NSUN6: variants seen among roughly 807,000 people sequenced by gnomAD.
The protein encoded by NSUN6 is tRNA (cytosine(72)-C(5))-methyltransferase NSUN6.
In NSUN6, 64 loss-of-function variants were observed where a neutral mutation model predicts 58.0. The ratio of observed to expected loss-of-function variants is 1.10; its 90% confidence interval spans 0.90 to 1.36. NSUN6 has a LOEUF of 1.36. Among genes scored for constraint, NSUN6 ranks in the 40% most tolerant of loss-of-function variants. The probability of loss-of-function intolerance (pLI) is 0.00; values close to 1 mark genes in which losing one functional copy is unlikely to be tolerated. For synonymous variants in NSUN6, 231 were observed against 193.9 expected (o/e 1.19, Z -1.59); for missense variants, 701 against 550.1 (o/e 1.27, Z -2.74).
chr10:18,629,366 C>T (rs1369921223), intron 3 of NSUN6, among the ~76,000 whole-genome samples: 1 of 151,874 alleles, frequency 6.6e-6, no homozygotes, highest in Non-Finnish European at 1.5e-5. Context: ...AAATAACCAG[C>T]TAACATCATA....
At chr10:18,622,656 C>G (rs772982463) in intron 3 of NSUN6, among the ~76,000 whole-genome samples, 1 of 152,154 alleles carries the variant, frequency 6.6e-6, no homozygotes, top group Non-Finnish European at 1.5e-5. Context: ...TTGCAGTGAG[C>G]AGAGATCGTG....
rs183378519 is a variant in NSUN6, at chr10:18,546,117, C to A, written c.1226G>T (p.Arg409Met). The A allele has an allele frequency of 6.2e-7, 1 of 1,613,504 alleles. No individual in the cohort carries two copies. Among genetic ancestry groups the A allele is most frequent in the African/African-American group, 1.3e-5 (1 of 75,000 alleles). ...QEPQIGGEGM[R>M]GAGLSCEQLK... The stretch of plus-strand genomic sequence containing the variant: ...CTGTTCACATGAGAGCCCAGCTCCC[C>A]TCATTCCTTCTCCTCCAATCTGCGG... The change falls in exon 11 of 11, where the codon AGG becomes ATG. Residue 409 changes from arginine to methionine, a missense_variant. Arg to Met is a moderately conservative substitution (Grantham distance 91). Transcript: ENST00000377304.
chr10:18,609,096 G>A (rs1049927271), intron 6 of NSUN6, among the ~76,000 whole-genome samples: 1 of 152,070 alleles, frequency 6.6e-6, no homozygotes, highest in African/African-American at 2.4e-5. Context: ...ATCACTTGAG[G>A]CCACGAGTTT....
chr10:18,617,819 G>A (rs2058466562), intron 3 of NSUN6, among the ~76,000 whole-genome samples: 1 of 152,152 alleles, frequency 6.6e-6, no homozygotes, highest in Admixed American at 6.5e-5. Flanking sequence ...CCTCATGAAT[G>A]AATTAATGCT....
chr10:18,650,336 T>C (rs1306936356), intron 1 of NSUN6, among the ~76,000 whole-genome samples: 2 of 152,170 alleles, frequency 1.3e-5, no homozygotes, highest in African/African-American at 4.8e-5. Flanking sequence ...CAATCAAAGA[T>C]AATCAACATT....
At chr10:18,600,268 T>C (rs1233886708) in intron 6 of NSUN6, among the ~76,000 whole-genome samples, 1 of 152,180 alleles carries the variant, frequency 6.6e-6, no homozygotes, top group Admixed American at 6.5e-5. Context: ...CCAAATATTT[T>C]TGCACAAGAA....
intron 3 of NSUN6, among the ~76,000 whole-genome samples, chr10:18,623,904 C>T (rs2058696554): frequency 6.6e-6 from 1 of 152,258 alleles, no homozygotes; most frequent in East Asian, 1.9e-4. Flanking sequence ...GAAAACTTAT[C>T]TGACTAGTCC....
chr10:18,600,927 C>CA (rs1242151513), intron 6 of NSUN6, among the ~76,000 whole-genome samples: 2,068 of 43,662 alleles, frequency 0.047, 174 homozygotes, highest in East Asian at 0.42. Flanking sequence ...GACTCCATCT[C>CA]AAAAAAAAAA....
intron 8 of NSUN6, among the ~76,000 whole-genome samples, chr10:18,579,874 T>A (rs1434995961): frequency 1.3e-5 from 2 of 152,156 alleles, no homozygotes; most frequent in Non-Finnish European, 2.9e-5. Context: ...CAATCATATG[T>A]GCATTTGTCT....
chr10:18,545,810 C>A lies in NSUN6; in HGVS notation c.*123G>T, dbSNP rs188511855. 3.0e-6 allele frequency: 2 copies of A among 677,474 alleles called. No homozygotes were observed. Among genetic ancestry groups the A allele is most frequent in the East Asian group, 5.2e-5 (2 of 38,532 alleles). The allele number at this position is 677,474 out of a possible 1,614,324, so 42.0% of individuals were successfully genotyped here. On this transcript the variant is annotated 3_prime_UTR_variant, in exon 11 of 11. Coordinates refer to ENST00000377304, the MANE Select transcript of NSUN6 (RefSeq NM_182543.5). ...GGATCCCTGGTAAAACAGCTGGCAG[C>A]CTTTTCTGTTTCCATAGCAACCACA... is the stretch of plus-strand genomic sequence containing the variant.
At chr10:18,600,943 T>A (rs111393465) in intron 6 of NSUN6, among the ~76,000 whole-genome samples, 3,116 of 45,444 alleles carry the variant, frequency 0.069, 111 homozygotes, top group South Asian at 0.1. Flanking sequence ...AAAAAAAAAA[T>A]ATATATATAT....
chr10:18,647,780 G>T (rs2131595631), intron 2 of NSUN6, among the ~76,000 whole-genome samples: 1 of 143,036 alleles, frequency 7.0e-6, no homozygotes, highest in Admixed American at 7.3e-5. Context: ...CATCGCCCAG[G>T]CTGGAGTGCA....
chr10:18,642,606 C>G (rs2059422718), intron 2 of NSUN6, 51 bp from the exon 3 acceptor site: 1 of 903,594 alleles, frequency 1.1e-6, no homozygotes, highest in Non-Finnish European at 1.8e-6. Flanking sequence ...TGATACATTT[C>G]AACTTATGGA....
At chr10:18,583,394 T>C (rs907276250) in intron 8 of NSUN6, among the ~76,000 whole-genome samples, 2 of 152,160 alleles carry the variant, frequency 1.3e-5, no homozygotes, top group Admixed American at 1.3e-4. Flanking sequence ...GCCTGCTTGG[T>C]GGTCTCTTCA....
At chr10:18,600,941 A>AAAAAAAT (rs1487679670) in intron 6 of NSUN6, among the ~76,000 whole-genome samples, 30 of 43,518 alleles carry the variant, frequency 6.9e-4, no homozygotes, top group East Asian at 2.4e-3. Context: ...AAAAAAAAAA[A>AAAAAAAT]ATATATATAT....
At chr10:18,563,969 T>C (rs779455854) in intron 8 of NSUN6, among the ~76,000 whole-genome samples, 27 of 150,774 alleles carry the variant, frequency 1.8e-4, no homozygotes, top group Non-Finnish European at 3.7e-4. Flanking sequence ...TCCTTTCTAT[T>C]CTCCACTCCA....
chr10:18,585,674 A>G (rs2057098370), intron 8 of NSUN6, among the ~76,000 whole-genome samples: 1 of 152,194 alleles, frequency 6.6e-6, no homozygotes, highest in African/African-American at 2.4e-5. Flanking sequence ...AATGGGAGAC[A>G]CTGTTCAAAG....
chr10:18,584,747 A>G (rs1468760698), intron 8 of NSUN6, among the ~76,000 whole-genome samples: 1 of 152,182 alleles, frequency 6.6e-6, no homozygotes. Context: ...AAAAATGTTG[A>G]AAGTCAAAAG....
In NSUN6 at chr10:18,614,602, C is replaced by T; in HGVS notation, c.433G>A (p.Gly145Arg). ...TCAGAGTATACAGAAATAACATCTC[C>T]AGCTTTCATAACTAGAGAAAGAAGA... ...IVSASQFMKA[G>R]DVISVYSDIK... Residue 145 changes from glycine to arginine, a missense_variant, in exon 5 of 11, where the codon GGA (glycine) becomes AGA (arginine). By Grantham distance (125) the Gly-to-Arg change is moderately radical. Coordinates refer to ENST00000377304, the MANE Select transcript of NSUN6 (RefSeq NM_182543.5). 1 of 1,411,270 alleles carries T rather than the reference C, an allele frequency of 7.1e-7. No individual in the cohort carries two copies. The highest frequency in any genetic ancestry group is 9.5e-7 in the Non-Finnish European group (1 of 1,050,588). 87.4% of individuals were successfully genotyped at this position (1,411,270 alleles called of 1,614,324 possible). A position where few individuals can be genotyped will look rare whatever the true frequency, so the allele number is the denominator to read the frequency against.
Sources: allele counts gnomAD v4.1 joint callset (sites outside exome capture counted in the v4.1 genomes callset), GRCh38; gene constraint gnomAD v4.1.1; transcripts MANE v1.5; gene names NCBI Gene and HGNC (gene_info 2026-07-23, HGNC 2026-07-21).